The following LARP1B variants were observed in gnomAD, a reference collection of about 807,000 sequenced individuals.
LARP1B encodes La ribonucleoprotein 1B, also known as la-related protein 1B.
Under a neutral mutation model 114.2 loss-of-function variants are expected in LARP1B, and 76 were observed. The observed-to-expected ratio is 0.67, with a 90% CI of 0.55 to 0.81. The LOEUF (loss-of-function observed/expected upper bound fraction) is 0.81. Among genes scored for constraint, LARP1B ranks in the 30% least tolerant of loss-of-function variants. LARP1B has a pLI of 0.00. For synonymous variants in LARP1B, 345 were observed against 348.0 expected (o/e 0.99, Z 0.10); for missense variants, 1,014 against 1,075.8 (o/e 0.94, Z 0.80).
chr4:128,065,640 G>A (rs1451187105), intron 1 of LARP1B, among the ~76,000 whole-genome samples: 1 of 151,898 alleles, frequency 6.6e-6, no homozygotes, highest in Non-Finnish European at 1.5e-5. Flanking sequence ...TCTAGTGCAG[G>A]TATTGTTACT....
chr4:128,070,099 A>G (rs1764628284), intron 1 of LARP1B, among the ~76,000 whole-genome samples: 4 of 151,846 alleles, frequency 2.6e-5, no homozygotes, highest in African/African-American at 9.7e-5. Context: ...TGGGCGGATC[A>G]TGAGGTCGGG....
At chr4:128,170,867 C>CT (rs1211999090) in intron 12 of LARP1B, among the ~76,000 whole-genome samples, 5 of 99,928 alleles carry the variant, frequency 5.0e-5, no homozygotes, top group South Asian at 2.9e-4. Flanking sequence ...TTTTCTTTTT[C>CT]TTTTCTTTTT....
rs111431402 is a variant in LARP1B at position 128,075,112 on chromosome 4, T to A, written c.42+119T>A. On this transcript the variant is annotated intron_variant, in intron 3 of 19. Transcript: ENST00000326639. ...GTCATACTGGGGGACAGATTTTTTT[T>A]ATTTTTTTGAGACAGGGTCTTGCTC... 8.9e-3 allele frequency: 6,388 copies of A among 719,050 alleles called. 303 individuals are homozygous for A. The African/African-American group carries it at 0.1, about 12-fold the overall frequency. 44.5% of individuals were successfully genotyped at this position (719,050 alleles called of 1,614,324 possible).
intron 7 of LARP1B, among the ~76,000 whole-genome samples, chr4:128,095,489 CAAA>C (rs11311661): frequency 3.3e-4 from 20 of 61,254 alleles, no homozygotes; most frequent in African/African-American, 7.8e-4. Flanking sequence ...AACTCCATCT[CAAA>C]AAAAAAAAAA....
At chr4:128,123,180 A>G in intron 11 of LARP1B, 4 of 985,418 alleles carry the variant, frequency 4.1e-6, no homozygotes, top group Non-Finnish European at 4.8e-6. Context: ...AATCCCCAGT[A>G]CTGCTTTTAG....
At chr4:128,172,234 G>A (rs983393888) in intron 12 of LARP1B, among the ~76,000 whole-genome samples, 2 of 151,182 alleles carry the variant, frequency 1.3e-5, no homozygotes, top group Non-Finnish European at 2.9e-5. Context: ...TGCTTTTAAT[G>A]TTTCCTCTGT....
rs79340534 is a variant in LARP1B at position 128,065,512 on chromosome 4, A to G, written c.-78+4111A>G. On this transcript the variant is annotated intron_variant, in intron 1 of 19. Coordinates refer to ENST00000326639, the MANE Select transcript of LARP1B (RefSeq NM_018078.4). Reference sequence around the variant, plus strand: ...ATCAGGCTTTCTATTTTCTTAAGCAAATTTACAACTTCAGGAGTAAAGAAA... The same window carrying G: ...ATCAGGCTTTCTATTTTCTTAAGCAGATTTACAACTTCAGGAGTAAAGAAA... 1.1e-4 allele frequency among the ~76,000 whole-genome samples: 17 copies of G among 151,978 alleles called. No individual in the cohort carries two copies. In the East Asian group the frequency reaches 2.9e-3, roughly 26 times the overall value.
chr4:128,160,306 T>C (rs1737841995), intron 11 of LARP1B, among the ~76,000 whole-genome samples: 1 of 152,194 alleles, frequency 6.6e-6, no homozygotes, highest in African/African-American at 2.4e-5. Flanking sequence ...AGAAACCATG[T>C]GGTGTAATTC....
intron 8 of LARP1B, among the ~76,000 whole-genome samples, chr4:128,098,626 T>A (rs1258016478): frequency 6.7e-6 from 1 of 150,344 alleles, no homozygotes; most frequent in East Asian, 1.9e-4. Context: ...CCCTTGGTCC[T>A]TAAAACTTCT....
intron 1 of LARP1B, among the ~76,000 whole-genome samples, chr4:128,065,441 C>T (rs1762452181): frequency 6.6e-6 from 1 of 150,426 alleles, no homozygotes; most frequent in Non-Finnish European, 1.5e-5. Flanking sequence ...AACTGCTGGC[C>T]TCAGGCGATC....
intron 7 of LARP1B, among the ~76,000 whole-genome samples, chr4:128,096,129 C>G (rs1489535354): frequency 2.0e-5 from 3 of 151,810 alleles, no homozygotes; most frequent in South Asian, 4.2e-4. Context: ...ACGTAGCTGG[C>G]ACTACAGGCG....
chr4:128,138,402 G>A (rs532301312), intron 11 of LARP1B, among the ~76,000 whole-genome samples: 1 of 152,208 alleles, frequency 6.6e-6, no homozygotes, highest in Non-Finnish European at 1.5e-5. Flanking sequence ...ATAGTGCTAT[G>A]ACAATTTAAA....
At chr4:128,133,059 G>A (rs1470087513) in intron 11 of LARP1B, among the ~76,000 whole-genome samples, 1 of 152,098 alleles carries the variant, frequency 6.6e-6, no homozygotes, top group African/African-American at 2.4e-5. Flanking sequence ...GGCAGACGGT[G>A]GAGCTCAGGC....
At chr4:128,114,777 C>G in intron 10 of LARP1B, 35 bp downstream of exon 10, 1 of 1,594,616 alleles carries the variant, frequency 6.3e-7, no homozygotes, top group Non-Finnish European at 8.6e-7. Context: ...GTGTGACATA[C>G]CCTGGGTGGA....
At chr4:128,100,434 A>T (rs931332170) in intron 8 of LARP1B, among the ~76,000 whole-genome samples, 3 of 151,202 alleles carry the variant, frequency 2.0e-5, no homozygotes. Context: ...CACCAAGCCT[A>T]TCTAACTTTT....
chr4:128,185,322 C>T (rs1412701167), intron 15 of LARP1B, among the ~76,000 whole-genome samples: 3 of 152,172 alleles, frequency 2.0e-5, no homozygotes, highest in African/African-American at 4.8e-5. Context: ...CCTTTCTCTG[C>T]ATCCTTGCAA....
At chr4:128,096,464 G>A (rs566370419) in intron 7 of LARP1B, among the ~76,000 whole-genome samples, 4 of 152,102 alleles carry the variant, frequency 2.6e-5, no homozygotes, top group South Asian at 4.1e-4. Context: ...CATTTCTCTC[G>A]GAAAGGTTAA....
chr4:128,166,264 G>T (rs1215158858), intron 12 of LARP1B, among the ~76,000 whole-genome samples: 2 of 151,534 alleles, frequency 1.3e-5, no homozygotes, highest in South Asian at 2.1e-4. Context: ...TTTAAATTCC[G>T]TATCTTATTT....
At chr4:128,144,975 T>A (rs977263053) in intron 11 of LARP1B, among the ~76,000 whole-genome samples, 5 of 150,740 alleles carry the variant, frequency 3.3e-5, no homozygotes, top group Admixed American at 2.6e-4. Flanking sequence ...TGACTATGGG[T>A]TACATTTTCC....
Sources: gnomAD v4.1 joint callset for allele counts (sites outside exome capture counted in the v4.1 genomes callset) on GRCh38, gnomAD v4.1.1 for gene constraint, MANE v1.5 for transcripts, NCBI Gene and HGNC (gene_info 2026-07-23, HGNC 2026-07-21) for gene names.